STXBP4: variants seen among roughly 807,000 people sequenced by gnomAD.
STXBP4 encodes syntaxin binding protein 4, also known as syntaxin-binding protein 4.
STXBP4 carries 55 observed loss-of-function variants against 76.1 expected under a neutral mutation model. That is an observed-to-expected ratio of 0.72 (90% confidence interval 0.58 to 0.91). The LOEUF (loss-of-function observed/expected upper bound fraction) is 0.91, where lower values mean the gene tolerates loss of function less well. Ranked by LOEUF, STXBP4 falls within the 40% of genes least tolerant of loss-of-function variation. The pLI, the probability that STXBP4 is intolerant of heterozygous loss-of-function variation, is 0.00. For synonymous variants in STXBP4, 201 were observed against 220.2 expected (o/e 0.91, Z 0.77); for missense variants, 618 against 636.9 (o/e 0.97, Z 0.32).
intron 12 of STXBP4, among the ~76,000 whole-genome samples, chr17:55,070,033 G>T (rs530306887): frequency 6.6e-6 from 1 of 151,872 alleles, no homozygotes; most frequent in African/African-American, 2.4e-5. Context: ...GCTCATCCAG[G>T]ACTGGGCACT....
intron 17 of STXBP4, among the ~76,000 whole-genome samples, chr17:55,154,463 ATTGT>A (rs1365335903): frequency 6.6e-6 from 1 of 152,170 alleles, no homozygotes; most frequent in East Asian, 1.9e-4. Context: ...ATCCTATATA[ATTGT>A]TTATTAGTAT....
chr17:55,126,293 G>A (rs2079911812), intron 16 of STXBP4, among the ~76,000 whole-genome samples: 1 of 152,128 alleles, frequency 6.6e-6, no homozygotes, highest in Admixed American at 6.6e-5. Context: ...TTAAAATAAG[G>A]ACTTTAAAGT....
chr17:55,003,524 T>G (rs879752716), intron 7 of STXBP4, among the ~76,000 whole-genome samples: 1 of 152,164 alleles, frequency 6.6e-6, no homozygotes, highest in Non-Finnish European at 1.5e-5. Context: ...TTGCATATTA[T>G]AAGTACCTAA....
intron 16 of STXBP4, among the ~76,000 whole-genome samples, chr17:55,129,011 C>T (rs1331173321): frequency 6.7e-6 from 1 of 149,466 alleles, no homozygotes; most frequent in South Asian, 2.1e-4. Flanking sequence ...CTCACTGCAA[C>T]CTCCATCTCC....
At chr17:55,194,663 A>C in the STXBP4 span, among the ~76,000 whole-genome samples, 19 of 152,362 alleles carry the variant, frequency 1.2e-4, 1 homozygote, top group East Asian at 3.7e-3. Context: ...CAGAAGGCAC[A>C]AGCATCAATC....
the STXBP4 span, among the ~76,000 whole-genome samples, chr17:55,197,692 G>A: frequency 4.0e-5 from 6 of 151,654 alleles, no homozygotes; most frequent in East Asian, 3.9e-4. Context: ...GCAGTGAGCC[G>A]AGATTGCACC....
In STXBP4 at chr17:55,165,598, A is replaced by G. The variant is rs1400580023; in HGVS notation, c.*5687A>G. 2.0e-5 allele frequency: 3 copies of G among 152,232 alleles called. No individual in the cohort carries two copies. Among genetic ancestry groups the G allele is most frequent in the Non-Finnish European group, 2.9e-5 (2 of 68,034 alleles). 9.4% of individuals were successfully genotyped at this position (152,232 alleles called of 1,614,324 possible). On this transcript the variant is annotated 3_prime_UTR_variant, in exon 18 of 18. Coordinates refer to ENST00000376352, the MANE Select transcript of STXBP4 (RefSeq NM_178509.6). ...AATGGAAATCAATTCGGACAATAAC[A>G]TTAGACCATCTTAACCCAGAGTGCC...
intron 16 of STXBP4, among the ~76,000 whole-genome samples, chr17:55,105,420 T>C (rs9904380): frequency 0.063 from 9,648 of 152,008 alleles, 957 homozygotes; most frequent in African/African-American, 0.22. Context: ...AGCTTCCATG[T>C]AGTTGTGCAA....
At chr17:55,175,205 T>G (rs573083635), downstream of STXBP4, among the ~76,000 whole-genome samples, 1 of 152,212 alleles carries the variant, frequency 6.6e-6, no homozygotes, top group South Asian at 2.1e-4. Flanking sequence ...TTCCTAAGCA[T>G]GGGGAGAGAC....
intron 1 of STXBP4, 43 bp downstream of exon 1, chr17:54,968,858 T>C (rs2077333103): frequency 1.8e-6 from 1 of 552,246 alleles, no homozygotes; most frequent in South Asian, 2.3e-5. Flanking sequence ...CCCACTTCGC[T>C]TCTCGCCAGA....
intron 1 of STXBP4, among the ~76,000 whole-genome samples, chr17:54,975,067 G>A (rs558618450): frequency 4.6e-5 from 7 of 152,278 alleles, no homozygotes; most frequent in South Asian, 2.1e-4. Flanking sequence ...CCTCAGGTTC[G>A]TTCCAAGTCC....
chr17:55,133,905 G>A (rs2079999115), intron 16 of STXBP4, among the ~76,000 whole-genome samples: 1 of 152,146 alleles, frequency 6.6e-6, no homozygotes. Context: ...ATCCATTTTT[G>A]TAAGGTTTTT....
chr17:55,119,935 G>C (rs2079825468), intron 16 of STXBP4, among the ~76,000 whole-genome samples: 1 of 151,892 alleles, frequency 6.6e-6, no homozygotes, highest in Non-Finnish European at 1.5e-5. Context: ...GCTAGCCTTT[G>C]TATTTCTTTG....
chr17:55,081,238 T>C, intron 16 of STXBP4, 55 bp downstream of exon 16: 1 of 1,326,832 alleles, frequency 7.5e-7, no homozygotes, highest in Non-Finnish European at 9.7e-7. Flanking sequence ...ACAAAACAAA[T>C]TGAAGTCAGA....
intron 16 of STXBP4, among the ~76,000 whole-genome samples, chr17:55,115,338 G>GA (rs1478878424): frequency 4.6e-5 from 7 of 151,642 alleles, no homozygotes; most frequent in Admixed American, 3.9e-4. Context: ...CCAAAGATAG[G>GA]AAAAATATAT....
At chr17:55,007,419 ACAG>A in intron 7 of STXBP4, 84 bp from the exon 8 acceptor site, 1 of 895,198 alleles carries the variant, frequency 1.1e-6, no homozygotes, top group Non-Finnish European at 1.8e-6. Flanking sequence ...TTATTTTTGA[ACAG>A]CAGGAACTCA....
chr17:55,041,324 C>A (rs2078696273), intron 10 of STXBP4, among the ~76,000 whole-genome samples: 1 of 151,522 alleles, frequency 6.6e-6, no homozygotes, highest in South Asian at 2.1e-4. Context: ...TTGACCTCCC[C>A]ACCCATCTCA....
At chr17:55,086,416 T>C (rs886382786) in intron 16 of STXBP4, among the ~76,000 whole-genome samples, 1 of 152,116 alleles carries the variant, frequency 6.6e-6, no homozygotes, top group African/African-American at 2.4e-5. Context: ...ATATCCTCCT[T>C]CTAGCTATTT....
At chr17:55,003,501 T>C (rs961453336) in intron 7 of STXBP4, among the ~76,000 whole-genome samples, 2 of 152,164 alleles carry the variant, frequency 1.3e-5, no homozygotes, top group African/African-American at 4.8e-5. Context: ...AGATAACTTA[T>C]ATACATTGTG....
Sources: gnomAD v4.1 joint callset for allele counts (sites outside exome capture counted in the v4.1 genomes callset) on GRCh38, gnomAD v4.1.1 for gene constraint, MANE v1.5 for transcripts, NCBI Gene and HGNC (gene_info 2026-07-23, HGNC 2026-07-21) for gene names.